IQGAP2: variants seen among roughly 807,000 people sequenced by gnomAD.
IQGAP2 encodes ras GTPase-activating-like protein IQGAP2.
A neutral mutation model predicts 201.3 loss-of-function variants in IQGAP2; 173 were observed. The observed-to-expected ratio is 0.86, with a 90% CI of 0.76 to 0.98. The LOEUF (loss-of-function observed/expected upper bound fraction) is 0.98, where lower values mean the gene tolerates loss of function less well. IQGAP2 is among the 50% of genes least tolerant of loss of function. The pLI, the probability that IQGAP2 is intolerant of heterozygous loss-of-function variation, is 0.00. For synonymous variants in IQGAP2, 675 were observed against 673.9 expected (o/e 1.00, Z -0.03); for missense variants, 1,687 against 1,864.8 (o/e 0.90, Z 1.76).
Position 76,562,526 on chromosome 5 carries a change from T to C in IQGAP2, c.277T>C (p.Tyr93His). The C allele has an allele frequency of 6.2e-7, 1 of 1,614,050 alleles. No homozygotes were observed. The highest frequency in any genetic ancestry group is 8.5e-7 in the Non-Finnish European group (1 of 1,179,966). The stretch of plus-strand genomic sequence containing the variant: ...GAAAATGGTATCAGAGAAAAAGATC[T>C]ATGATGTGGAACAAACACGTTATAA... ...APKMVSEKKIYDVEQTRYKKS... is the reference protein window; with the variant it reads ...APKMVSEKKIHDVEQTRYKKS... The change falls in exon 3 of 36, where the codon TAT becomes CAT. Residue 93 changes from tyrosine to histidine, a missense_variant. Physicochemically the swap from Tyr to His is moderately conservative, Grantham distance 83. Coordinates refer to ENST00000274364, the MANE Select transcript of IQGAP2 (RefSeq NM_006633.5).
chr5:76,683,655 G>T (rs1745495574), intron 29 of IQGAP2, 121 bp from the exon 30 acceptor site: 1 of 874,562 alleles, frequency 1.1e-6, no homozygotes, highest in Non-Finnish European at 1.7e-6. Flanking sequence ...GTTTTGTAAA[G>T]ACCATGATCT....
chr5:76,432,418 C>T (rs886451147), intron 1 of IQGAP2, among the ~76,000 whole-genome samples: 5 of 152,254 alleles, frequency 3.3e-5, no homozygotes, highest in African/African-American at 1.2e-4. Flanking sequence ...AGCCACCATG[C>T]TCAGCCCAGG....
chr5:76,520,832 C>T (rs1266064508), intron 2 of IQGAP2, among the ~76,000 whole-genome samples: 2 of 151,820 alleles, frequency 1.3e-5, no homozygotes, highest in African/African-American at 4.8e-5. Context: ...GTCAGCCTCC[C>T]GAGTGGATGG....
rs115113615 is a variant in IQGAP2 at position 76,573,577 on chromosome 5, C to T, written c.382-2116C>T. The stretch of plus-strand genomic sequence containing the variant: ...AAGGGAAGAGGCAATTGTAGTTATT[C>T]TCTGCTTACATAAAAAACTTTAAAC... On this transcript the variant is annotated intron_variant, in intron 4 of 35. Coordinates refer to ENST00000274364, the MANE Select transcript of IQGAP2 (RefSeq NM_006633.5). Among the ~76,000 whole-genome samples, 765 of 152,242 alleles carry T rather than the reference C, an allele frequency of 5.0e-3. 8 individuals carry two copies. The highest frequency in any genetic ancestry group is 0.018 in the African/African-American group (728 of 41,538).
intron 2 of IQGAP2, among the ~76,000 whole-genome samples, chr5:76,535,060 G>T (rs768301744): frequency 6.6e-6 from 1 of 152,202 alleles, no homozygotes; most frequent in Non-Finnish European, 1.5e-5. Context: ...AGCAGGTAGG[G>T]AGTAGAGTGA....
chr5:76,547,140 C>T (rs1236507296), intron 2 of IQGAP2, among the ~76,000 whole-genome samples: 4 of 152,144 alleles, frequency 2.6e-5, no homozygotes, highest in Non-Finnish European at 5.9e-5. Context: ...CTACCTGCTG[C>T]GAGCTATTCT....
At chr5:76,680,149 TAA>T (rs1745154280) in intron 28 of IQGAP2, among the ~76,000 whole-genome samples, 1 of 152,196 alleles carries the variant, frequency 6.6e-6, no homozygotes, top group African/African-American at 2.4e-5. Flanking sequence ...AGGTTAGACA[TAA>T]AGACTAATGG....
intron 2 of IQGAP2, among the ~76,000 whole-genome samples, chr5:76,468,805 T>C (rs1418600365): frequency 6.6e-6 from 1 of 152,240 alleles, no homozygotes; most frequent in African/African-American, 2.4e-5. Flanking sequence ...TGCCATGTGC[T>C]ATTCGCTTTT....
intron 3 of IQGAP2, 91 bp from the exon 4 acceptor site, chr5:76,570,489 A>G (rs967485423): frequency 1.2e-6 from 1 of 835,638 alleles, no homozygotes; most frequent in Non-Finnish European, 2.1e-6. Flanking sequence ...ATACAATTGA[A>G]AAGCATCCTG....
intron 5 of IQGAP2, among the ~76,000 whole-genome samples, chr5:76,579,913 T>C (rs1745724649): frequency 6.6e-6 from 1 of 152,194 alleles, no homozygotes; most frequent in Admixed American, 6.5e-5. Context: ...TCTGGGACTA[T>C]TTAGTTTACT....
intron 1 of IQGAP2, chr5:76,441,576 G>A: frequency 1.1e-6 from 1 of 931,678 alleles, no homozygotes; most frequent in Non-Finnish European, 1.3e-6. Flanking sequence ...CAGGGTTCGT[G>A]AATCTCAGCG....
At chr5:76,564,248 A>C (rs1191620832) in intron 3 of IQGAP2, among the ~76,000 whole-genome samples, 2 of 152,216 alleles carry the variant, frequency 1.3e-5, no homozygotes, top group Non-Finnish European at 2.9e-5. Flanking sequence ...CTCTCCACAA[A>C]ATAAATATTA....
chr5:76,674,927 T>A (rs1442996775), intron 27 of IQGAP2, among the ~76,000 whole-genome samples: 6 of 152,208 alleles, frequency 3.9e-5, no homozygotes, highest in Non-Finnish European at 7.3e-5. Flanking sequence ...GCACTCCTAT[T>A]ACACTGAGTC....
intron 1 of IQGAP2, 41 bp from the exon 2 acceptor site, chr5:76,461,529 A>C: frequency 2.8e-6 from 4 of 1,415,458 alleles, no homozygotes; most frequent in Non-Finnish European, 3.0e-6. Context: ...TTTAATGAAG[A>C]CTGCCTTTGT....
chr5:76,623,198 G>A, intron 13 of IQGAP2: 2 of 1,614,160 alleles, frequency 1.2e-6, no homozygotes, highest in South Asian at 1.1e-5. Context: ...ACAGAAGCAG[G>A]AGGCCAGCAG....
At chr5:76,485,564 G>C (rs1756077405) in intron 2 of IQGAP2, among the ~76,000 whole-genome samples, 1 of 152,154 alleles carries the variant, frequency 6.6e-6, no homozygotes, top group Non-Finnish European at 1.5e-5. Context: ...AGTTCTTAAA[G>C]TCCTAAGTGG....
At chr5:76,428,856 A>C (rs1319821188) in intron 1 of IQGAP2, among the ~76,000 whole-genome samples, 1 of 151,058 alleles carries the variant, frequency 6.6e-6, no homozygotes, top group Non-Finnish European at 1.5e-5. Context: ...ACTGTGGGAG[A>C]CCAAGGCAGG....
intron 17 of IQGAP2, among the ~76,000 whole-genome samples, chr5:76,643,982 C>T (rs1751799818): frequency 6.6e-6 from 1 of 151,284 alleles, no homozygotes; most frequent in South Asian, 2.1e-4. Flanking sequence ...CTTGGCTAAC[C>T]GAGATCACAC....
chr5:76,654,534 T>G (rs1752759254), intron 19 of IQGAP2, among the ~76,000 whole-genome samples: 1 of 152,188 alleles, frequency 6.6e-6, no homozygotes, highest in African/African-American at 2.4e-5. Flanking sequence ...AAGAGAAGAC[T>G]CTAGAGAAAT....
Sources: allele counts gnomAD v4.1 joint callset (sites outside exome capture counted in the v4.1 genomes callset), GRCh38; gene constraint gnomAD v4.1.1; transcripts MANE v1.5; gene names NCBI Gene and HGNC (gene_info 2026-07-23, HGNC 2026-07-21).